PCDHGA7: variants seen among roughly 807,000 people sequenced by gnomAD.
PCDHGA7 encodes the protein protocadherin gamma subfamily A, 7, also known as protocadherin gamma-A7.
In PCDHGA7, 44 loss-of-function variants were observed where a neutral mutation model predicts 58.3. The ratio of observed to expected loss-of-function variants is 0.75; its 90% CI spans 0.59 to 0.97. The LOEUF (loss-of-function observed/expected upper bound fraction) is 0.97. Among genes scored for constraint, PCDHGA7 ranks in the 50% least tolerant of loss-of-function variants. The pLI is 0.00. For synonymous variants in PCDHGA7, 516 were observed against 504.2 expected (o/e 1.02, Z -0.31); for missense variants, 1,266 against 1,188.7 (o/e 1.06, Z -0.96).
At chr5:141,480,745 C>T (rs528415324) in intron 1 of PCDHGA7, among the ~76,000 whole-genome samples, 1 of 152,278 alleles carries the variant, frequency 6.6e-6, no homozygotes, top group Non-Finnish European at 1.5e-5. Flanking sequence ...ACATAGGCAT[C>T]ATTTTTTGAA....
At chr5:141,422,292 T>C in intron 1 of PCDHGA7, 1 of 1,552,434 alleles carries the variant, frequency 6.4e-7, no homozygotes. Context: ...CTTCTATTAA[T>C]TCAATTCTGG....
rs1311776295 is a variant in PCDHGA7, at chr5:141,487,582, C to G, written c.2425-7225C>G. 1.2e-6 allele frequency: 2 copies of G among 1,614,088 alleles called. No homozygotes were observed. The highest frequency in any genetic ancestry group is 2.7e-5 in the African/African-American group (2 of 74,934). ...TGGCAGGGGAGCCTGTTCGCCCAAG[C>G]TGCCCACCCTCTGATCTTCTCTATG... is the stretch of plus-strand genomic sequence containing the variant. On this transcript the variant is annotated intron_variant, in intron 1 of 3. Transcript: ENST00000518325. The surrounding 1 kb of genome is among the most constrained non-coding windows in gnomAD (Gnocchi z 5.0).
chr5:141,423,131 A>C (rs370773437), intron 1 of PCDHGA7: 1 of 1,613,538 alleles, frequency 6.2e-7, no homozygotes. Flanking sequence ...GCACTGCTGG[A>C]CAGAGACGCG....
At chr5:141,478,884 C>A in intron 1 of PCDHGA7, 1 of 1,194,298 alleles carries the variant, frequency 8.4e-7, no homozygotes, top group Non-Finnish European at 1.1e-6. Flanking sequence ...AGCTTGGTAT[C>A]ATTTACATTA....
chr5:141,404,579 A>G (rs1390358900), intron 1 of PCDHGA7: 1 of 1,614,002 alleles, frequency 6.2e-7, no homozygotes, highest in Non-Finnish European at 8.5e-7. Flanking sequence ...CCCACCACTT[A>G]GCAGCAATGT....
At chr5:141,406,021 G>A (rs530576205) in intron 1 of PCDHGA7, among the ~76,000 whole-genome samples, 1 of 151,382 alleles carries the variant, frequency 6.6e-6, no homozygotes, top group East Asian at 1.9e-4. Context: ...GGCTTTTTGG[G>A]TAGGGTTGCT....
intron 1 of PCDHGA7, among the ~76,000 whole-genome samples, chr5:141,473,942 GC>G (rs1443545533): frequency 1.3e-5 from 2 of 152,124 alleles, no homozygotes; most frequent in African/African-American, 4.8e-5. Context: ...AGTAGCTCAG[GC>G]CTGTAGTCCC....
Position 141,398,399 on chromosome 5 carries a change from A to G in PCDHGA7, c.2424+13076A>G, listed in dbSNP as rs763282563. 8 of 1,466,584 alleles carry G rather than the reference A, an allele frequency of 5.5e-6. No individual in the cohort carries two copies. In the Admixed American group the frequency reaches 7.2e-5, roughly 13 times the overall value. 90.8% of individuals were successfully genotyped at this position (1,466,584 alleles called of 1,614,324 possible). ...GAGTTGCTTGTGAGCAGCAGGCTAG[A>G]CAGGGAGGAGATATGCGGGAAGAAG... On this transcript the variant is annotated intron_variant, in intron 1 of 3. Coordinates refer to ENST00000518325, the MANE Select transcript of PCDHGA7 (RefSeq NM_018920.4).
intron 1 of PCDHGA7, chr5:141,419,186 A>G: frequency 1.2e-6 from 2 of 1,613,940 alleles, no homozygotes; most frequent in Non-Finnish European, 1.7e-6. Context: ...CCTGCACATT[A>G]CTGACGTCAA....
chr5:141,485,229 T>G lies in PCDHGA7; in HGVS notation c.2425-9578T>G, dbSNP rs2099609870. ...ATCTGGCGGTGGGCTACCCTTTTGT[T>G]CCTCTTTTACCACCTGGGTTACGTT... is the stretch of plus-strand genomic sequence containing the variant. On this transcript the variant is annotated intron_variant, in intron 1 of 3. Coordinates refer to ENST00000518325, the MANE Select transcript of PCDHGA7 (RefSeq NM_018920.4). The surrounding 1 kb of genome is among the most constrained non-coding windows in gnomAD (Gnocchi z 5.7). 6.2e-7 allele frequency: 1 copy of G among 1,614,042 alleles called. No individual in the cohort carries two copies. The highest frequency in any genetic ancestry group is 8.5e-7 in the Non-Finnish European group (1 of 1,180,030).
At chr5:141,397,467 G>A (rs1052329651) in intron 1 of PCDHGA7, among the ~76,000 whole-genome samples, 1 of 152,176 alleles carries the variant, frequency 6.6e-6, no homozygotes, top group East Asian at 1.9e-4. Flanking sequence ...ATATTGGGGA[G>A]TTGGAAATCA....
intron 1 of PCDHGA7, among the ~76,000 whole-genome samples, chr5:141,483,160 T>C (rs1199191595): frequency 6.6e-6 from 1 of 152,176 alleles, no homozygotes; most frequent in Non-Finnish European, 1.5e-5. Flanking sequence ...AGTTAGATCC[T>C]GAGTTACCTT....
At position 141,490,857 on chromosome 5, in the gene PCDHGA7, C is replaced by G; in HGVS notation, c.2425-3950C>G. 6.2e-7 allele frequency: 1 copy of G among 1,613,832 alleles called. No homozygotes were observed. Among genetic ancestry groups the G allele is most frequent in the Admixed American group, 1.7e-5 (1 of 60,012 alleles). On this transcript the variant is annotated intron_variant, in intron 1 of 3. Coordinates refer to ENST00000518325, the MANE Select transcript of PCDHGA7 (RefSeq NM_018920.4). The surrounding 1 kb of genome is among the most constrained non-coding windows in gnomAD (Gnocchi z 5.4). ...AGATTGTGGTGGGGGTTCGAGACTCCGGCTCTCCCCCATTGCATGCCAACA... is the reference window on the plus strand; with the variant it reads ...AGATTGTGGTGGGGGTTCGAGACTCGGGCTCTCCCCCATTGCATGCCAACA...
chr5:141,494,528 G>A lies in PCDHGA7; in HGVS notation c.2425-279G>A, dbSNP rs189993899. On this transcript the variant is annotated intron_variant, in intron 1 of 3. Coordinates refer to ENST00000518325, the MANE Select transcript of PCDHGA7 (RefSeq NM_018920.4). ...ATTTTGGCTCAGGAGTTCTGACTCTGGGGGCAGGGAGGAAGGGGCCATTTC... is the reference window on the plus strand; with the variant it reads ...ATTTTGGCTCAGGAGTTCTGACTCTAGGGGCAGGGAGGAAGGGGCCATTTC... 3.0e-4 allele frequency among the ~76,000 whole-genome samples: 45 copies of A among 152,274 alleles called. 1 individual carries two copies. Among genetic ancestry groups the A allele is most frequent in the African/African-American group, 1.0e-3 (42 of 41,542 alleles).
intron 1 of PCDHGA7, among the ~76,000 whole-genome samples, chr5:141,458,247 C>T (rs758242859): frequency 4.6e-5 from 7 of 152,100 alleles, no homozygotes; most frequent in South Asian, 2.1e-4. Flanking sequence ...CAAAATGATA[C>T]GGCTCTGATG....
At chr5:141,404,108 A>G (rs537875169) in intron 1 of PCDHGA7, 22 of 1,613,436 alleles carry the variant, frequency 1.4e-5, no homozygotes, top group South Asian at 6.6e-5. Context: ...TGTCTGTTCT[A>G]TCCAGGAGAA....
chr5:141,494,100 G>A (rs559145191), intron 1 of PCDHGA7, among the ~76,000 whole-genome samples: 7 of 152,270 alleles, frequency 4.6e-5, no homozygotes, highest in South Asian at 2.1e-4. Flanking sequence ...ATTTTTCTCC[G>A]TCTCAGACAG....
intron 1 of PCDHGA7, chr5:141,410,797 C>T: frequency 3.0e-6 from 2 of 675,992 alleles, no homozygotes; most frequent in South Asian, 3.2e-5. Flanking sequence ...TCATAAGTTG[C>T]TCTATCTTTT....
In PCDHGA7 at chr5:141,383,577, C is replaced by T; in HGVS notation, c.678C>T (p.Ala226=). ...DGGDPPRSST[A]HIQVTVVDVN... is the part of the protein sequence containing the mutation. ...GCGACCCGCCCCGATCCAGCACCGCCCACATCCAGGTGACAGTGGTGGATG... is the reference window on the plus strand; with the variant it reads ...GCGACCCGCCCCGATCCAGCACCGCTCACATCCAGGTGACAGTGGTGGATG... The change falls in exon 1 of 4, where the codon GCC becomes GCT. Residue 226 remains alanine, a synonymous_variant. Coordinates refer to ENST00000518325, the MANE Select transcript of PCDHGA7 (RefSeq NM_018920.4). 1 of 1,613,420 alleles carries T rather than the reference C, an allele frequency of 6.2e-7. No homozygotes were observed. Among genetic ancestry groups the T allele is most frequent in the Non-Finnish European group, 8.5e-7 (1 of 1,179,784 alleles).
Sources: allele counts gnomAD v4.1 joint callset (sites outside exome capture counted in the v4.1 genomes callset), GRCh38; gene constraint gnomAD v4.1.1; non-coding constraint Gnocchi (gnomAD v3.1); transcripts MANE v1.5; gene names NCBI Gene and HGNC (gene_info 2026-07-23, HGNC 2026-07-21).